The following ZNG1E variants were observed in gnomAD, a reference collection of about 807,000 sequenced individuals.
The protein encoded by ZNG1E is zinc-regulated GTPase metalloprotein activator 1E.
the ZNG1E span, among the ~76,000 whole-genome samples, chr9:65,671,667 C>A: frequency 6.6e-6 from 1 of 152,114 alleles, no homozygotes; most frequent in Admixed American, 6.6e-5. Flanking sequence ...GGTTACTTTT[C>A]TGTAAGGGAT....
At chr9:65,662,283 C>T in the ZNG1E span, among the ~76,000 whole-genome samples, 1 of 152,188 alleles carries the variant, frequency 6.6e-6, no homozygotes, top group Non-Finnish European at 1.5e-5. Context: ...AAGACAAAGA[C>T]TGAGCAATGC....
the ZNG1E span, among the ~76,000 whole-genome samples, chr9:65,693,082 G>A: frequency 1.3e-5 from 2 of 152,282 alleles, no homozygotes; most frequent in East Asian, 3.8e-4. Flanking sequence ...GTTTACCTAT[G>A]TAACAAACCT....
At chr9:65,684,903 G>C in the ZNG1E span, among the ~76,000 whole-genome samples, 3 of 150,926 alleles carry the variant, frequency 2.0e-5, no homozygotes, top group South Asian at 4.2e-4. Context: ...AAAGTTATGC[G>C]TTTTGGCCGG....
chr9:65,660,518 A>G, the ZNG1E span, among the ~76,000 whole-genome samples: 26 of 151,270 alleles, frequency 1.7e-4, no homozygotes, highest in South Asian at 6.3e-4. Flanking sequence ...GTGTGGGGAG[A>G]TAGAAATGGT....
the ZNG1E span, among the ~76,000 whole-genome samples, chr9:65,690,020 AAATC>A: frequency 7.3e-6 from 1 of 137,382 alleles, no homozygotes. Flanking sequence ...TTTGGGAAAA[AAATC>A]AATAGGTATC....
chr9:65,664,140 A>C, the ZNG1E span, among the ~76,000 whole-genome samples: 1 of 152,090 alleles, frequency 6.6e-6, no homozygotes, highest in Non-Finnish European at 1.5e-5. Flanking sequence ...AGTACATATA[A>C]AAAATACATA....
chr9:65,709,615 T>G, the ZNG1E span, among the ~76,000 whole-genome samples: 1 of 135,930 alleles, frequency 7.4e-6, no homozygotes, highest in East Asian at 2.1e-4. Context: ...TGGTTTTTTG[T>G]TCTTGCGATA....
chr9:65,686,708 C>T, the ZNG1E span, among the ~76,000 whole-genome samples: 2 of 152,384 alleles, frequency 1.3e-5, no homozygotes, highest in Non-Finnish European at 2.9e-5. Context: ...ATGTTAGCTA[C>T]ATCTTCTAGG....
the ZNG1E span, among the ~76,000 whole-genome samples, chr9:65,722,697 A>ATTTTTTTTT: frequency 0.054 from 452 of 8,422 alleles, 128 homozygotes; most frequent in Non-Finnish European, 0.068. Flanking sequence ...TGCCTAGCTA[A>ATTTTTTTTT]TTTTTTTTTT....
chr9:65,732,955 G>A, the ZNG1E span: 1 of 1,608,234 alleles, frequency 6.2e-7, no homozygotes, highest in African/African-American at 1.4e-5. Flanking sequence ...AGTTTGAACT[G>A]AGGCTGATCA....
chr9:65,663,931 C>A, the ZNG1E span, among the ~76,000 whole-genome samples: 1 of 152,184 alleles, frequency 6.6e-6, no homozygotes, highest in African/African-American at 2.4e-5. Flanking sequence ...TCATCACAAA[C>A]ATATTGCTTC....
the ZNG1E span, among the ~76,000 whole-genome samples, chr9:65,717,784 C>T: frequency 2.7e-5 from 4 of 147,020 alleles, no homozygotes; most frequent in East Asian, 7.8e-4. Flanking sequence ...GTGTCCTGGG[C>T]TTAAGCCATC....
chr9:65,658,256 A>G, the ZNG1E span, among the ~76,000 whole-genome samples: 1 of 152,156 alleles, frequency 6.6e-6, no homozygotes, highest in Admixed American at 6.6e-5. Flanking sequence ...AACCAGTCTT[A>G]TGCTATTTCA....
the ZNG1E span, among the ~76,000 whole-genome samples, chr9:65,659,293 A>G: frequency 6.6e-6 from 1 of 150,818 alleles, no homozygotes. Context: ...TCAGGTGTTC[A>G]AGACCAGCCT....
the ZNG1E span, among the ~76,000 whole-genome samples, chr9:65,663,305 GTTTA>G: frequency 1.3e-5 from 2 of 151,840 alleles, no homozygotes; most frequent in Non-Finnish European, 2.9e-5. Context: ...AATTGTACCT[GTTTA>G]TTTAATCTAT....
the ZNG1E span, among the ~76,000 whole-genome samples, chr9:65,684,808 G>A: frequency 6.6e-6 from 1 of 152,208 alleles, no homozygotes; most frequent in Non-Finnish European, 1.5e-5. Context: ...CAGGGATATT[G>A]TGGGCTTAGT....
the ZNG1E span, among the ~76,000 whole-genome samples, chr9:65,686,336 C>A: frequency 6.6e-6 from 1 of 151,440 alleles, no homozygotes; most frequent in Non-Finnish European, 1.5e-5. Flanking sequence ...CATTTCATCT[C>A]CATTAAAAAT....
the ZNG1E span, chr9:65,708,505 G>A: frequency 3.9e-6 from 1 of 259,036 alleles, no homozygotes; most frequent in African/African-American, 2.5e-5. Flanking sequence ...TATCAAGGGA[G>A]GGGGTATAAA....
chr9:65,727,302 C>T, the ZNG1E span, among the ~76,000 whole-genome samples: 2 of 148,762 alleles, frequency 1.3e-5, no homozygotes, highest in African/African-American at 5.1e-5. Flanking sequence ...ATCACAGGAC[C>T]TATAAAACAA....
Sources: allele counts gnomAD v4.1 joint callset (sites outside exome capture counted in the v4.1 genomes callset), GRCh38; gene constraint gnomAD v4.1.1; transcripts MANE v1.5; gene names NCBI Gene and HGNC (gene_info 2026-07-23, HGNC 2026-07-21).